The following SPDYE5 variants were observed in gnomAD, a reference collection of about 807,000 sequenced individuals.
The protein encoded by SPDYE5 is speedy protein E5.
A neutral mutation model predicts 48.5 loss-of-function variants in SPDYE5; 15 were observed. The ratio of observed to expected loss-of-function variants is 0.31; its 90% CI spans 0.21 to 0.48. The LOEUF (loss-of-function observed/expected upper bound fraction) is 0.48. SPDYE5 is among the 20% of genes least tolerant of loss of function. SPDYE5 has a pLI of 0.99. For synonymous variants in SPDYE5, 116 were observed against 200.7 expected (o/e 0.58, Z 3.57); for missense variants, 331 against 549.1 (o/e 0.60, Z 3.97).
At position 75,503,707 on chromosome 7, in the gene SPDYE5, T is replaced by C. The variant is rs1793229500; in HGVS notation, c.*920T>C. The C allele has an allele frequency of 4.0e-5, 6 of 150,102 alleles. No homozygotes were observed. In the South Asian group the frequency reaches 8.3e-4, roughly 21 times the overall value. 9.3% of individuals were successfully genotyped at this position (150,102 alleles called of 1,614,324 possible). A position where few individuals can be genotyped will look rare whatever the true frequency, so the allele number is the denominator to read the frequency against. ...TGTCTCAGATATATATACTAACACG[T>C]CTAATATATACTATCTATTTTATTG... On this transcript the variant is annotated 3_prime_UTR_variant, in exon 9 of 9. Coordinates refer to ENST00000625065, the MANE Select transcript of SPDYE5 (RefSeq NM_001306141.4).
Position 75,501,430 on chromosome 7 carries a change from G to C in SPDYE5, c.824G>C (p.Gly275Ala). Residue 275 changes from glycine (G) to alanine (A), a missense_variant, in exon 7 of 9, where the codon GGG becomes GCG. Transcript: ENST00000625065. ...CAAAACATCTTCCACTTCCTGTATG[G>C]GAAGAACCGCTCTCGCATACCCTTG... is the stretch of plus-strand genomic sequence containing the variant. ...SKQNIFHFLY[G>A]KNRSRIPLLR... 1.9e-6 allele frequency: 3 copies of C among 1,612,912 alleles called. No individual in the cohort carries two copies. Among genetic ancestry groups the C allele is most frequent in the Non-Finnish European group, 2.5e-6 (3 of 1,179,996 alleles).
At chr7:75,491,919 T>C (rs782460687), upstream of SPDYE5, among the ~76,000 whole-genome samples, 1 of 151,796 alleles carries the variant, frequency 6.6e-6, no homozygotes, top group Non-Finnish European at 1.5e-5. Flanking sequence ...TTAAACATGT[T>C]GGACAGGCTG....
chr7:75,499,504 C>T (rs1333737409), intron 6 of SPDYE5, among the ~76,000 whole-genome samples, 188 bp downstream of exon 6: 3 of 151,878 alleles, frequency 2.0e-5, no homozygotes, highest in Non-Finnish European at 4.4e-5. Flanking sequence ...CAGTGGCATA[C>T]GCCTGTAATC....
chr7:75,494,238 T>C (rs1792840790), intron 2 of SPDYE5, 31 bp downstream of exon 2: 6 of 1,533,692 alleles, frequency 3.9e-6, no homozygotes, highest in Admixed American at 2.0e-5. Flanking sequence ...AGAGGTGGGA[T>C]AGGATTGACT....
chr7:75,493,007 G>C (rs1333114165), intron 1 of SPDYE5, among the ~76,000 whole-genome samples: 1 of 151,826 alleles, frequency 6.6e-6, no homozygotes, highest in Admixed American at 6.6e-5. Flanking sequence ...TTACTATGTT[G>C]CCTATACTGG....
chr7:75,496,745 T>C lies in SPDYE5; in HGVS notation c.451T>C (p.Ser151Pro), dbSNP rs1208916686. Reference protein sequence around the residue: ...WKRKMEWWDESEESLEEEPRK... With the variant: ...WKRKMEWWDEPEESLEEEPRK... ...AAGGAAGATGGAGTGGTGGGACGAA[T>C]CTGAGGAGTCGTTGGAGGAGGAGCC... The change falls in exon 4 of 9, where the codon TCT becomes CCT. Residue 151 changes from serine to proline, a missense_variant. Coordinates refer to ENST00000625065, the MANE Select transcript of SPDYE5 (RefSeq NM_001306141.4). 20 of 1,589,110 alleles carry C rather than the reference T, an allele frequency of 1.3e-5. No individual in the cohort carries two copies. Among genetic ancestry groups the C allele is most frequent in the Non-Finnish European group, 1.6e-5 (19 of 1,176,168 alleles).
rs1344917427 is a variant in SPDYE5 at position 75,503,395 on chromosome 7, G to A, written c.*608G>A. 39 of 166,954 alleles carry A rather than the reference G, an allele frequency of 2.3e-4. No homozygotes were observed. The highest frequency in any genetic ancestry group is 2.3e-3 in the Admixed American group (38 of 16,422). 10.3% of individuals were successfully genotyped at this position (166,954 alleles called of 1,614,324 possible). On this transcript the variant is annotated 3_prime_UTR_variant, in exon 9 of 9. Transcript: ENST00000625065. The stretch of plus-strand genomic sequence containing the variant: ...CATGCTGTTCCTGTAGTTTTTTGAT[G>A]AGAGTTATAGTTGTTATATATACAT...
At chr7:75,500,254 G>A (rs1267219277) in intron 6 of SPDYE5, among the ~76,000 whole-genome samples, 1 of 144,204 alleles carries the variant, frequency 6.9e-6, no homozygotes, top group Non-Finnish European at 1.5e-5. Flanking sequence ...TCCTGGCTCG[G>A]CTTCACTGCT....
chr7:75,495,140 T>G lies in SPDYE5; in HGVS notation c.161-16T>G. On this transcript the variant is annotated splice_polypyrimidine_tract_variant and intron_variant, in intron 2 of 8. Transcript: ENST00000625065. ...GATGCAGAAGCATTACACGGTGGCC[T>G]GGTTTCTTTACTCAGCCCCTGGGGT... is the stretch of plus-strand genomic sequence containing the variant. 3.1e-6 allele frequency: 5 copies of G among 1,588,052 alleles called. No homozygotes were observed. Among genetic ancestry groups the G allele is most frequent in the Non-Finnish European group, 4.3e-6 (5 of 1,175,240 alleles).
intron 6 of SPDYE5, among the ~76,000 whole-genome samples, chr7:75,499,762 T>A (rs1554483147): frequency 1.3e-5 from 1 of 78,300 alleles, no homozygotes; most frequent in Non-Finnish European, 2.5e-5. Context: ...GTGAGACTTT[T>A]TCTCAAAAAA....
rs139672859 is a variant in SPDYE5 at position 75,494,073 on chromosome 7, G to C, written c.26G>C (p.Arg9Pro). The change falls in exon 2 of 9, where the codon CGT becomes CCT. Residue 9 changes from arginine (R) to proline (P), a missense_variant. Arg to Pro is a moderately radical substitution (Grantham distance 103). Coordinates refer to ENST00000625065, the MANE Select transcript of SPDYE5 (RefSeq NM_001306141.4). ...ATGGACAGAACGGAGACTAGGTTCC[G>C]TAAGAGGGGACAGATTACGGAAAAG... The part of the protein sequence containing the change: MDRTETRF[R>P]KRGQITEKIT... 2 of 1,533,986 alleles carry C rather than the reference G, an allele frequency of 1.3e-6. No individual in the cohort carries two copies. The highest frequency in any genetic ancestry group is 1.7e-6 in the Non-Finnish European group (2 of 1,146,534).
chr7:75,496,056 G>C lies in SPDYE5; in HGVS notation c.380-618G>C, dbSNP rs1398830999. ...AAAAGAAGGAAGGAAGGGCCCAGAA[G>C]TCAGGAAGGAGCACGTGAGGAGGGT... On this transcript the variant is annotated intron_variant, in intron 3 of 8. Coordinates refer to ENST00000625065, the MANE Select transcript of SPDYE5 (RefSeq NM_001306141.4). Among the ~76,000 whole-genome samples the C allele has an allele frequency of 2.7e-5, 4 of 148,848 alleles. No individual in the cohort carries two copies. In the East Asian group the frequency reaches 7.9e-4, roughly 30 times the overall value.
At chr7:75,492,300 C>A (rs1437532599), upstream of SPDYE5, among the ~76,000 whole-genome samples, 1 of 152,102 alleles carries the variant, frequency 6.6e-6, no homozygotes, top group African/African-American at 2.4e-5. Context: ...AATTTGAACT[C>A]CAGAAAAGCA....
intron 3 of SPDYE5, among the ~76,000 whole-genome samples, chr7:75,496,015 CAAAAA>C (rs58917345): frequency 1.1e-4 from 7 of 65,790 alleles, no homozygotes; most frequent in African/African-American, 1.7e-4. Context: ...GACGCTGTGT[CAAAAA>C]AAAAAAAAAA....
At chr7:75,500,402 C>G (rs1449197350) in intron 6 of SPDYE5, among the ~76,000 whole-genome samples, 1 of 145,058 alleles carries the variant, frequency 6.9e-6, no homozygotes, top group Non-Finnish European at 1.5e-5. Context: ...CCCTCATCTT[C>G]CAACTTCTGC....
In SPDYE5 at chr7:75,494,194, G is replaced by T. The variant is rs781868230; in HGVS notation, c.147G>T (p.Val49=). The change falls in exon 2 of 9, where the codon GTG becomes GTT. Residue 49 remains valine, a synonymous_variant. Transcript: ENST00000625065. ...TCCAGGAGGTGGTGGATGATGAAGT[G>T]TTGGGACCATCAGGTGAGGGGACTG... ...YPLQEVVDDE[V]LGPSAPGVDP... 2,431 of 1,534,956 alleles carry T rather than the reference G, an allele frequency of 1.6e-3. 3 individuals carry two copies. Among genetic ancestry groups the T allele is most frequent in the Non-Finnish European group, 1.7e-3 (1,981 of 1,146,650 alleles).
chr7:75,494,731 A>G (rs191257831), intron 2 of SPDYE5: 1 of 699,210 alleles, frequency 1.4e-6, no homozygotes, highest in East Asian at 1.4e-4. Context: ...TACTAAAAGT[A>G]CAAAATGGAG....
At chr7:75,502,483 G>A (rs1398354628) in intron 8 of SPDYE5, among the ~76,000 whole-genome samples, 9 of 152,266 alleles carry the variant, frequency 5.9e-5, no homozygotes, top group South Asian at 2.1e-4. Flanking sequence ...CATCTAGCAT[G>A]GTTACAAGTC....
chr7:75,492,319 T>C (rs1424057233), upstream of SPDYE5, among the ~76,000 whole-genome samples: 1 of 152,148 alleles, frequency 6.6e-6, no homozygotes, highest in Admixed American at 6.5e-5. Flanking sequence ...CAGAGCTTCC[T>C]AACAATGGGA....
Sources: allele counts gnomAD v4.1 joint callset (sites outside exome capture counted in the v4.1 genomes callset), GRCh38; gene constraint gnomAD v4.1.1; transcripts MANE v1.5; gene names NCBI Gene and HGNC (gene_info 2026-07-23, HGNC 2026-07-21).